Variants in SNX10 observed in about 807,000 individuals in gnomAD.
The protein encoded by SNX10 is sorting nexin-10.
Under a neutral mutation model 28.5 loss-of-function variants are expected in SNX10, and 25 were observed. That is an observed-to-expected ratio of 0.88 (90% CI 0.64 to 1.22). SNX10 has a LOEUF of 1.22. Ranked by LOEUF, SNX10 falls within the 50% of genes most tolerant of loss-of-function variation. The probability of loss-of-function intolerance (pLI) is 0.00; values close to 1 mark genes in which losing one functional copy is unlikely to be tolerated. For synonymous variants in SNX10, 62 were observed against 81.4 expected, an observed-to-expected ratio of 0.76 and a Z score of 1.28; for missense variants, 223 against 242.6, an observed-to-expected ratio of 0.92 and a Z score of 0.54.
chr7:26,299,507 T>C (rs1786250027), intron 1 of SNX10, among the ~76,000 whole-genome samples: 2 of 149,924 alleles, frequency 1.3e-5, no homozygotes, highest in South Asian at 4.3e-4. Flanking sequence ...TTCAGCTCAC[T>C]GCGACCTCTG....
chr7:26,297,212 C>T lies in SNX10; in HGVS notation c.-24+5126C>T, dbSNP rs141195048. ...CCTGGGTTCAATAAGTTCTCTGCAT[C>T]AGCCTCCCAAGTAACTGGGGTTATA... On this transcript the variant is annotated intron_variant, in intron 1 of 6. Coordinates refer to ENST00000338523, the MANE Select transcript of SNX10 (RefSeq NM_013322.3). Among the ~76,000 whole-genome samples, 88 of 152,290 alleles carry T rather than the reference C, an allele frequency of 5.8e-4. 1 individual carries two copies. In the East Asian group the frequency reaches 0.016, roughly 27 times the overall value.
chr7:26,316,170 C>G (rs1310630366), intron 1 of SNX10, among the ~76,000 whole-genome samples: 19 of 140,406 alleles, frequency 1.4e-4, no homozygotes, highest in African/African-American at 2.2e-4. Flanking sequence ...GGAGACAGAG[C>G]GAGACTGTCT....
At chr7:26,354,064 C>T (rs1012710259) in intron 2 of SNX10, 1 of 152,148 alleles carries the variant, frequency 6.6e-6, no homozygotes, top group Non-Finnish European at 1.5e-5. Context: ...CAGTTAACAC[C>T]TACTCATCTT....
intron 1 of SNX10, among the ~76,000 whole-genome samples, chr7:26,321,103 C>T (rs970668741): frequency 3.3e-5 from 5 of 152,248 alleles, no homozygotes; most frequent in South Asian, 4.1e-4. Context: ...AGTAGCCCTG[C>T]GTTTGGATCA....
chr7:26,355,917 G>A (rs1455448763), intron 2 of SNX10, among the ~76,000 whole-genome samples: 2 of 152,170 alleles, frequency 1.3e-5, no homozygotes, highest in African/African-American at 2.4e-5. Flanking sequence ...CTGTAAAGTA[G>A]GATGAGAATA....
chr7:26,323,179 G>C (rs1787370753), intron 1 of SNX10, among the ~76,000 whole-genome samples: 1 of 152,148 alleles, frequency 6.6e-6, no homozygotes, highest in South Asian at 2.1e-4. Context: ...GAGCCTGGGA[G>C]GTGGAGGTTG....
At chr7:26,301,524 C>A (rs953770433) in intron 1 of SNX10, among the ~76,000 whole-genome samples, 1 of 152,154 alleles carries the variant, frequency 6.6e-6, no homozygotes, top group African/African-American at 2.4e-5. Flanking sequence ...GCACCAAAGG[C>A]CAAAGACAGA....
chr7:26,338,136 A>G (rs1294770918), intron 1 of SNX10, among the ~76,000 whole-genome samples: 1 of 127,600 alleles, frequency 7.8e-6, no homozygotes, highest in Non-Finnish European at 1.6e-5. Context: ...TTTTTCTGTG[A>G]GACAGAGTCT....
intron 1 of SNX10, among the ~76,000 whole-genome samples, chr7:26,329,075 C>T (rs543323069): frequency 1.3e-5 from 2 of 152,318 alleles, no homozygotes; most frequent in South Asian, 4.1e-4. Flanking sequence ...CACCCAGCAG[C>T]CAGAGGGATC....
intron 1 of SNX10, among the ~76,000 whole-genome samples, chr7:26,323,845 C>G (rs981470434): frequency 1.3e-5 from 2 of 152,096 alleles, no homozygotes; most frequent in Non-Finnish European, 2.9e-5. Context: ...GGAAGTAGTG[C>G]CAACAGGACA....
At chr7:26,349,670 A>G (rs921835717) in intron 2 of SNX10, among the ~76,000 whole-genome samples, 4 of 151,818 alleles carry the variant, frequency 2.6e-5, no homozygotes, top group Admixed American at 2.6e-4. Context: ...GACCCAACTG[A>G]ATCAACTCTT....
At chr7:26,320,241 C>G (rs1462536544) in intron 1 of SNX10, among the ~76,000 whole-genome samples, 1 of 151,828 alleles carries the variant, frequency 6.6e-6, no homozygotes, top group Non-Finnish European at 1.5e-5. Context: ...CTCGCCCTCC[C>G]AAAGTATTGA....
At chr7:26,365,878 C>G (rs1053925832) in intron 5 of SNX10, among the ~76,000 whole-genome samples, 5 of 152,162 alleles carry the variant, frequency 3.3e-5, no homozygotes, top group Non-Finnish European at 7.3e-5. Flanking sequence ...GATCATTTAC[C>G]TCCTCTGCCT....
chr7:26,356,006 C>T (rs1180122198), intron 2 of SNX10, among the ~76,000 whole-genome samples: 5 of 152,010 alleles, frequency 3.3e-5, no homozygotes, highest in Non-Finnish European at 5.9e-5. Flanking sequence ...TGTCAAGTGC[C>T]CTGGTATAAT....
intron 5 of SNX10, among the ~76,000 whole-genome samples, chr7:26,366,606 C>G (rs1048397058): frequency 5.3e-5 from 8 of 152,194 alleles, no homozygotes; most frequent in African/African-American, 1.9e-4. Context: ...GGCTGATGGC[C>G]TCTCCCTTGA....
At chr7:26,370,683 A>T (rs1337475784) in intron 5 of SNX10, 1 of 152,140 alleles carries the variant, frequency 6.6e-6, no homozygotes, top group Non-Finnish European at 1.5e-5. Context: ...GCCAAAAGAG[A>T]TTTACTTTCC....
chr7:26,334,378 A>G (rs67907856), intron 1 of SNX10, among the ~76,000 whole-genome samples: 31,339 of 152,136 alleles, frequency 0.21, 3,858 homozygotes, highest in South Asian at 0.42. Context: ...TCTCTCTCAT[A>G]TGTAATTTTT....
chr7:26,358,805 G>GTTTTTGTTTTTTTTTT (rs1554360948), intron 2 of SNX10, among the ~76,000 whole-genome samples: 3 of 100,104 alleles, frequency 3.0e-5, no homozygotes, highest in African/African-American at 1.3e-4. Flanking sequence ...GTTATCTTGT[G>GTTTTTGTTTTTTTTTT]TTTTTTTTTT....
intron 1 of SNX10, among the ~76,000 whole-genome samples, chr7:26,309,517 G>A (rs937747062): frequency 2.0e-5 from 3 of 152,112 alleles, no homozygotes; most frequent in African/African-American, 7.2e-5. Context: ...CAGGTCTGCC[G>A]AGTGAATGCA....
Sources: gnomAD v4.1 joint callset for allele counts (sites outside exome capture counted in the v4.1 genomes callset) on GRCh38, gnomAD v4.1.1 for gene constraint, MANE v1.5 for transcripts, NCBI Gene and HGNC (gene_info 2026-07-23, HGNC 2026-07-21) for gene names.